The following ILK variants were observed in gnomAD, a reference collection of about 807,000 sequenced individuals.
ILK encodes the protein scaffold protein ILK.
ILK carries 37 observed loss-of-function variants against 57.8 expected under a neutral mutation model. That is an observed-to-expected ratio of 0.64 (90% CI 0.49 to 0.84). The LOEUF is 0.84. Ranked by LOEUF, ILK falls within the 40% of genes least tolerant of loss-of-function variation. The probability of loss-of-function intolerance (pLI) is 0.00; values close to 1 mark genes in which losing one functional copy is unlikely to be tolerated. For synonymous variants in ILK, 231 were observed against 202.2 expected, an observed-to-expected ratio of 1.14 and a Z score of -1.21; for missense variants, 528 against 595.7, an observed-to-expected ratio of 0.89 and a Z score of 1.18.
intron 2 of ILK, among the ~76,000 whole-genome samples, chr11:6,605,627 C>T (rs1369075831): frequency 6.9e-6 from 1 of 145,840 alleles, no homozygotes; most frequent in Non-Finnish European, 1.5e-5. Flanking sequence ...GCCGTGGCAC[C>T]CATTAGTTAT....
rs1455102074 is a variant in ILK, at chr11:6,609,961, T to A, written c.1004T>A (p.Ile335Asn). ...ATTGATGAGGACATGACTGCCCGAA[T>A]TAGCATGGCTGATGTCAAGTTCTCT... The part of the protein sequence containing the change: ...VMIDEDMTAR[I>N]SMADVKFSFQ... Residue 335 changes from isoleucine (I) to asparagine (N), a missense_variant, in exon 11 of 13, where the codon ATT becomes AAT. Physicochemically the swap from Ile to Asn is moderately radical, Grantham distance 149 (BLOSUM62 -3). Coordinates refer to ENST00000299421, the MANE Select transcript of ILK (RefSeq NM_004517.4). 4 of 1,614,196 alleles carry A rather than the reference T, an allele frequency of 2.5e-6. No individual in the cohort carries two copies. Among genetic ancestry groups the A allele is most frequent in the Non-Finnish European group, 3.4e-6 (4 of 1,180,040 alleles).
chr11:6,604,659 A>G, intron 2 of ILK: 1 of 526,290 alleles, frequency 1.9e-6, no homozygotes, highest in South Asian at 2.0e-5. Flanking sequence ...CTGGAGTTCC[A>G]TATGGCTGGA....
At chr11:6,607,817 G>T (rs187764047) in intron 2 of ILK, 1 of 570,254 alleles carries the variant, frequency 1.8e-6, no homozygotes, top group East Asian at 3.0e-5. Context: ...ATATGGTGAA[G>T]ATAACACATT....
At chr11:6,605,701 C>T (rs1455379873) in intron 2 of ILK, among the ~76,000 whole-genome samples, 2 of 152,114 alleles carry the variant, frequency 1.3e-5, no homozygotes, top group Non-Finnish European at 2.9e-5. Flanking sequence ...CTGTTGCTCC[C>T]CTCAGTGTGC....
In ILK at chr11:6,608,864, AG is replaced by A. The variant is rs1399584602; in HGVS notation, c.449-18del. ...GTCTTCTCCCTCTGTACCACAGCTTAGGTTGTTTTTCTTCCCTAGAGCGGGC... is the reference window on the plus strand; with the variant it reads ...GTCTTCTCCCTCTGTACCACAGCTTAGTTGTTTTTCTTCCCTAGAGCGGGC... On this transcript the variant is annotated intron_variant, in intron 5 of 12. Coordinates refer to ENST00000299421, the MANE Select transcript of ILK (RefSeq NM_004517.4). This position sits in a 1 kb window ranked among gnomAD's most constrained non-coding sequence, Gnocchi z 4.9. 1 of 1,613,842 alleles carries A rather than the reference AG, an allele frequency of 6.2e-7. No homozygotes were observed. Among genetic ancestry groups the A allele is most frequent in the Non-Finnish European group, 8.5e-7 (1 of 1,179,762 alleles).
intron 2 of ILK, chr11:6,604,843 C>G: frequency 2.2e-6 from 1 of 457,092 alleles, no homozygotes. Flanking sequence ...TGAGATTGTC[C>G]ATTTTTCAGT....
In ILK at chr11:6,608,671, T is replaced by C. The variant is rs1855184814; in HGVS notation, c.352-23T>C. 6.3e-7 allele frequency: 1 copy of C among 1,598,826 alleles called. No homozygotes were observed. Among genetic ancestry groups the C allele is most frequent in the African/African-American group, 1.3e-5 (1 of 74,746 alleles). On this transcript the variant is annotated intron_variant, in intron 4 of 12. Transcript: ENST00000299421. This position sits in a 1 kb window ranked among gnomAD's most constrained non-coding sequence, Gnocchi z 4.9. ...GCCAGCGAGGTAGCAGTGGCTCTCA[T>C]CATAATGGCCTTTTCATTCCAGGAC...
chr11:6,606,909 A>C (rs1335835917), intron 2 of ILK: 1 of 152,236 alleles, frequency 6.6e-6, no homozygotes, highest in African/African-American at 2.4e-5. Context: ...CAGGGGGCGT[A>C]ATGCTTCCTG....
Position 6,610,733 on chromosome 11 carries a change from T to C in ILK, c.*122T>C. 1 of 1,385,406 alleles carries C rather than the reference T, an allele frequency of 7.2e-7. No homozygotes were observed. Among genetic ancestry groups the C allele is most frequent in the Non-Finnish European group, 1.0e-6 (1 of 984,612 alleles). 85.8% of individuals were successfully genotyped at this position (1,385,406 alleles called of 1,614,324 possible). A position where few individuals can be genotyped will look rare whatever the true frequency, so the allele number is the denominator to read the frequency against. ...TCCAGTCATGGTACTACCCCAGCCATGGGGTCCATCCCCTTCCCCCATCCC... is the reference window on the plus strand; with the variant it reads ...TCCAGTCATGGTACTACCCCAGCCACGGGGTCCATCCCCTTCCCCCATCCC... On this transcript the variant is annotated 3_prime_UTR_variant, in exon 13 of 13. Transcript: ENST00000299421.
chr11:6,603,937 G>T (rs1854555528), intron 1 of ILK, 115 bp downstream of exon 1: 1 of 493,506 alleles, frequency 2.0e-6, no homozygotes, highest in Non-Finnish European at 3.7e-6. Flanking sequence ...AGTATACGGA[G>T]CCTGAACCTC....
chr11:6,610,647 G>A lies in ILK; in HGVS notation c.*36G>A, dbSNP rs769798748. ...TCCTTGCCTGAACTCCAGAGGTGTC[G>A]GGACATGGTTGGGGGAATGCACCTC... On this transcript the variant is annotated 3_prime_UTR_variant, in exon 13 of 13. Transcript: ENST00000299421. 9.9e-6 allele frequency: 16 copies of A among 1,613,552 alleles called. No individual in the cohort carries two copies. The Admixed American group carries it at 1.2e-4, about 12-fold the overall frequency.
Position 6,608,542 on chromosome 11 carries a change from TTGG to T in ILK, c.351+57_351+59del, listed in dbSNP as rs2134556156. The T allele has an allele frequency of 6.6e-7, 1 of 1,503,956 alleles. No individual in the cohort carries two copies. The highest frequency in any genetic ancestry group is 2.3e-5 in the East Asian group (1 of 44,402). The allele number at this position is 1,503,956 out of a possible 1,614,324, so 93.2% of individuals were successfully genotyped here. ...ATGGGTAGGAAGTAAAGTCTGAGCCTTGGTGGGAGATTTTGGAACCCTCAACCC... is the reference window on the plus strand; with the variant it reads ...ATGGGTAGGAAGTAAAGTCTGAGCCTTGGGAGATTTTGGAACCCTCAACCC... On this transcript the variant is annotated intron_variant, in intron 4 of 12. Transcript: ENST00000299421. The surrounding 1 kb of genome is among the most constrained non-coding windows in gnomAD (Gnocchi z 4.9).
At position 6,608,121 on chromosome 11, in the gene ILK, G is replaced by C; in HGVS notation, c.165G>C (p.Met55Ile). The change falls in exon 3 of 13, where the codon ATG (methionine) becomes ATC (isoleucine). Residue 55 changes from methionine to isoleucine, a missense_variant. Transcript: ENST00000299421. The surrounding 1 kb of genome is among the most constrained non-coding windows in gnomAD (Gnocchi z 4.9). ...GRSAVVEMLI[M>I]RGARINVMNR... is the part of the protein sequence containing the mutation. ...CTGCTGTGGTTGAGATGTTGATCAT[G>C]CGGGGGGCACGGATCAATGTAATGA... is the stretch of plus-strand genomic sequence containing the variant. 1.2e-6 allele frequency: 2 copies of C among 1,614,156 alleles called. No homozygotes were observed. Among genetic ancestry groups the C allele is most frequent in the South Asian group, 1.1e-5 (1 of 91,084 alleles).
intron 2 of ILK, chr11:6,607,312 T>C (rs1315389180): frequency 6.6e-6 from 1 of 152,264 alleles, no homozygotes; most frequent in African/African-American, 2.4e-5. Flanking sequence ...AAATCAGGTA[T>C]AGTTTTAATC....
In ILK at chr11:6,610,806, C is replaced by T; in HGVS notation, c.*195C>T. 7.2e-7 allele frequency: 1 copy of T among 1,384,618 alleles called. No individual in the cohort carries two copies. Among genetic ancestry groups the T allele is most frequent in the Non-Finnish European group, 1.0e-6 (1 of 983,212 alleles). The allele number at this position is 1,384,618 out of a possible 1,614,324, so 85.8% of individuals were successfully genotyped here. A position where few individuals can be genotyped will look rare whatever the true frequency, so the allele number is the denominator to read the frequency against. ...GCGGGCTCAGAGCTTTGTCACTTGC[C>T]ACATGGTGTCTCCCAACATGGGAGG... On this transcript the variant is annotated 3_prime_UTR_variant, in exon 13 of 13. Coordinates refer to ENST00000299421, the MANE Select transcript of ILK (RefSeq NM_004517.4).
chr11:6,608,412 G>A lies in ILK; in HGVS notation c.274G>A (p.Asp92Asn), dbSNP rs755641968. ...IVQKLLQYKA[D>N]INAVNEHGNV... ...GGTCCAGCTATTGCAGTACAAGGCA[G>A]ACATCAATGCAGTGAATGAACACGG... The change falls in exon 4 of 13, where the codon GAC becomes AAC. Residue 92 changes from aspartate to asparagine, a missense_variant. By Grantham distance (23) the Asp-to-Asn change is conservative (BLOSUM62 1). Transcript: ENST00000299421. The surrounding 1 kb of genome is among the most constrained non-coding windows in gnomAD (Gnocchi z 4.9). The A allele has an allele frequency of 1.2e-6, 2 of 1,614,156 alleles. No homozygotes were observed. The highest frequency in any genetic ancestry group is 1.7e-6 in the Non-Finnish European group (2 of 1,179,970).
In ILK at chr11:6,604,598, A is replaced by G. The variant is rs541909273; in HGVS notation, c.89+238A>G. 7.1e-5 allele frequency: 43 copies of G among 608,702 alleles called. No homozygotes were observed. In the African/African-American group the frequency reaches 7.5e-4, roughly 11 times the overall value. 37.7% of individuals were successfully genotyped at this position (608,702 alleles called of 1,614,324 possible). ...GAGCTTTCCAGCCTCAGTAGACTGC[A>G]TGGCCAAAGGCTAGGGGGCAAGGCA... On this transcript the variant is annotated intron_variant, in intron 2 of 12. Transcript: ENST00000299421.
At position 6,610,620 on chromosome 11, in the gene ILK, G is replaced by C. The variant is rs749954343; in HGVS notation, c.*9G>C. 3 of 1,614,142 alleles carry C rather than the reference G, an allele frequency of 1.9e-6. No homozygotes were observed. Among genetic ancestry groups the C allele is most frequent in the Non-Finnish European group, 2.5e-6 (3 of 1,179,980 alleles). On this transcript the variant is annotated 3_prime_UTR_variant, in exon 13 of 13. Coordinates refer to ENST00000299421, the MANE Select transcript of ILK (RefSeq NM_004517.4). Reference sequence around the variant, plus strand: ...AGATGCAGGACAAGTAGGACTGGAAGGTCCTTGCCTGAACTCCAGAGGTGT... The same window carrying C: ...AGATGCAGGACAAGTAGGACTGGAACGTCCTTGCCTGAACTCCAGAGGTGT...
intron 1 of ILK, 81 bp from the exon 2 acceptor site, chr11:6,604,099 C>T (rs900886089): frequency 2.1e-5 from 14 of 671,620 alleles, no homozygotes; most frequent in Non-Finnish European, 3.2e-5. Flanking sequence ...TCCCGCAGCC[C>T]CGAACTCCTT....
Sources: allele counts gnomAD v4.1 joint callset (sites outside exome capture counted in the v4.1 genomes callset), GRCh38; gene constraint gnomAD v4.1.1; non-coding constraint Gnocchi (gnomAD v3.1); transcripts MANE v1.5; gene names NCBI Gene and HGNC (gene_info 2026-07-23, HGNC 2026-07-21).